Variants in SLC38A8 observed in about 807,000 individuals in gnomAD.
The protein encoded by SLC38A8 is solute carrier family 38 member 8.
Under a neutral mutation model 46.0 loss-of-function variants are expected in SLC38A8, and 65 were observed. The ratio of observed to expected loss-of-function variants is 1.41; its 90% CI spans 1.16 to 1.74. The LOEUF (loss-of-function observed/expected upper bound fraction) is 1.74, where lower values mean the gene tolerates loss of function less well. Among genes scored for constraint, SLC38A8 ranks in the 40% most tolerant of loss-of-function variants. The pLI is 0.00. For synonymous variants in SLC38A8, 447 were observed against 243.7 expected (o/e 1.83, Z -7.77); for missense variants, 998 against 567.9 (o/e 1.76, Z -7.70).
Position 84,033,496 on chromosome 16 carries a change from CCA to C in SLC38A8, c.389-29_389-28del, listed in dbSNP as rs1567701758. On this transcript the variant is annotated intron_variant, in intron 3 of 10. Coordinates refer to ENST00000299709, the MANE Select transcript of SLC38A8 (RefSeq NM_001080442.3). ...TGCCAGAGACACGGGGAGAGCTGAGCCACAGAGTACAAATGCCGTGGGTTCTC... is the reference window on the plus strand; with the variant it reads ...TGCCAGAGACACGGGGAGAGCTGAGCCAGAGTACAAATGCCGTGGGTTCTC... 3.2e-6 allele frequency: 5 copies of C among 1,568,396 alleles called. No individual in the cohort carries two copies. The Admixed American group carries it at 5.5e-5, about 17-fold the overall frequency.
At chr16:84,020,741 G>T (rs1325540541) in intron 7 of SLC38A8, among the ~76,000 whole-genome samples, 1 of 152,208 alleles carries the variant, frequency 6.6e-6, no homozygotes, top group Non-Finnish European at 1.5e-5. Flanking sequence ...CCTGTGATGG[G>T]AGGGGCAGCC....
rs1567689123 is a variant in SLC38A8 at position 84,013,422 on chromosome 16, G to GTGT, written c.1163-373_1163-371dup. On this transcript the variant is annotated intron_variant, in intron 9 of 10. Transcript: ENST00000299709. ...ACCATTACTTTCTTTTGTTGTGTGT[G>GTGT]TGTTTTTTTTTTTTTTTTTTTTTTT... Among the ~76,000 whole-genome samples, 9 of 108,718 alleles carry GTGT rather than the reference G, an allele frequency of 8.3e-5. No homozygotes were observed. In the South Asian group the frequency reaches 2.3e-3, roughly 27 times the overall value. 71.3% of individuals were successfully genotyped at this position (108,718 alleles called of 152,430 possible). A position where few individuals can be genotyped will look rare whatever the true frequency, so the allele number is the denominator to read the frequency against.
intron 4 of SLC38A8, 151 bp downstream of exon 4, chr16:84,033,177 T>A (rs1005413735): frequency 6.0e-6 from 6 of 1,007,724 alleles, no homozygotes; most frequent in Non-Finnish European, 9.0e-6. Context: ...GCATCATGCA[T>A]ACATTTTACT....
intron 2 of SLC38A8, among the ~76,000 whole-genome samples, chr16:84,038,373 G>A (rs1209059471): frequency 6.6e-6 from 1 of 151,846 alleles, no homozygotes; most frequent in Non-Finnish European, 1.5e-5. Context: ...CACCCCTGTG[G>A]GCAGCCACCC....
intron 6 of SLC38A8, among the ~76,000 whole-genome samples, chr16:84,023,521 C>G (rs771657391): frequency 1.3e-5 from 2 of 152,130 alleles, no homozygotes; most frequent in African/African-American, 2.4e-5. Flanking sequence ...TACTAACACA[C>G]AGAGCATGAT....
intron 7 of SLC38A8, among the ~76,000 whole-genome samples, chr16:84,022,214 A>G (rs776289340): frequency 1.3e-5 from 2 of 152,346 alleles, no homozygotes; most frequent in East Asian, 3.9e-4. Flanking sequence ...ACGTTGGTGA[A>G]TGAAAAAAGA....
chr16:84,019,122 T>A (rs2085067012), intron 7 of SLC38A8, among the ~76,000 whole-genome samples: 2 of 152,036 alleles, frequency 1.3e-5, no homozygotes, highest in Admixed American at 1.3e-4. Context: ...TCACCCAGGC[T>A]GGATTGCAGT....
At chr16:84,025,513 G>A (rs921245660) in intron 6 of SLC38A8, among the ~76,000 whole-genome samples, 12 of 152,108 alleles carry the variant, frequency 7.9e-5, no homozygotes, top group African/African-American at 1.7e-4. Context: ...TCAACCACAC[G>A]ACAACAACGA....
At chr16:84,038,104 A>G (rs2085322566) in intron 2 of SLC38A8, among the ~76,000 whole-genome samples, 2 of 152,154 alleles carry the variant, frequency 1.3e-5, no homozygotes, top group Middle Eastern at 3.4e-3. Context: ...TGAGGTCGGG[A>G]GTTTGAGACC....
chr16:84,011,044 T>G (rs2084946963), intron 10 of SLC38A8, among the ~76,000 whole-genome samples: 1 of 152,148 alleles, frequency 6.6e-6, no homozygotes, highest in Non-Finnish European at 1.5e-5. Flanking sequence ...GAGATATTTG[T>G]GGCCCCATTA....
chr16:84,016,666 C>T lies in SLC38A8; in HGVS notation c.1015G>A (p.Ala339Thr), dbSNP rs760592088. ...CGGACCCACAGCCCTGAGGGGTCGG[C>T]CAGGGCGCTGGGCCCCCATCCCCCC... ...CLGGWGPSAL[A>T]DPSGLWVRMP... The change falls in exon 9 of 11, where the codon GCC becomes ACC. Residue 339 changes from alanine to threonine, a missense_variant. Physicochemically the swap from Ala to Thr is moderately conservative, Grantham distance 58. Coordinates refer to ENST00000299709, the MANE Select transcript of SLC38A8 (RefSeq NM_001080442.3). 5.6e-6 allele frequency: 9 copies of T among 1,613,526 alleles called. No individual in the cohort carries two copies. In the African/African-American group the frequency reaches 1.1e-4, roughly 19 times the overall value.
intron 9 of SLC38A8, among the ~76,000 whole-genome samples, chr16:84,015,898 C>G (rs968008457): frequency 6.6e-6 from 1 of 152,164 alleles, no homozygotes; most frequent in African/African-American, 2.4e-5. Context: ...AGGCTGGTCT[C>G]GACCTCCTGA....
At chr16:84,032,833 CCT>C (rs1181045563) in intron 4 of SLC38A8, among the ~76,000 whole-genome samples, 1 of 152,130 alleles carries the variant, frequency 6.6e-6, no homozygotes, top group Non-Finnish European at 1.5e-5. Context: ...AAAAAAACAA[CCT>C]CTGTGTGTGT....
At chr16:84,041,880 A>G in intron 2 of SLC38A8, 89 bp downstream of exon 2, 1 of 1,210,698 alleles carries the variant, frequency 8.3e-7, no homozygotes, top group East Asian at 2.4e-5. Flanking sequence ...CAGGACACGC[A>G]ACTCCGCAGA....
At chr16:84,038,365 C>A (rs992205110) in intron 2 of SLC38A8, among the ~76,000 whole-genome samples, 1 of 152,060 alleles carries the variant, frequency 6.6e-6, no homozygotes, top group Non-Finnish European at 1.5e-5. Context: ...ACAGTGAACA[C>A]CCCTGTGGGC....
intron 7 of SLC38A8, among the ~76,000 whole-genome samples, chr16:84,019,220 A>C (rs1456251806): frequency 6.6e-6 from 1 of 151,972 alleles, no homozygotes; most frequent in African/African-American, 2.4e-5. Flanking sequence ...GATTACAGGC[A>C]CATGTCACCA....
intron 10 of SLC38A8, among the ~76,000 whole-genome samples, chr16:84,011,342 C>T (rs913308944): frequency 6.6e-6 from 1 of 152,180 alleles, no homozygotes; most frequent in Non-Finnish European, 1.5e-5. Context: ...AGGGAATGAG[C>T]GGCTTAGGGG....
At chr16:84,018,235 T>C (rs1453252133) in intron 7 of SLC38A8, among the ~76,000 whole-genome samples, 3 of 137,790 alleles carry the variant, frequency 2.2e-5, no homozygotes, top group African/African-American at 8.4e-5. Flanking sequence ...TTTTTTTTTT[T>C]TTTTTTTTTT....
At chr16:84,031,193 T>C (rs2085234018) in intron 5 of SLC38A8, among the ~76,000 whole-genome samples, 2 of 151,970 alleles carry the variant, frequency 1.3e-5, no homozygotes, top group African/African-American at 4.8e-5. Context: ...ATGCCCACCA[T>C]CACACCTGGC....
Sources: gnomAD v4.1 joint callset for allele counts (sites outside exome capture counted in the v4.1 genomes callset) on GRCh38, gnomAD v4.1.1 for gene constraint, MANE v1.5 for transcripts, NCBI Gene and HGNC (gene_info 2026-07-23, HGNC 2026-07-21) for gene names.